The following MARK1 variants were observed in gnomAD, a reference collection of about 807,000 sequenced individuals.
MARK1 encodes microtubule affinity regulating kinase 1, also known as serine/threonine-protein kinase MARK1.
A neutral mutation model predicts 96.3 loss-of-function variants in MARK1; 40 were observed. That is an observed-to-expected ratio of 0.42 (90% CI 0.32 to 0.54). The LOEUF is 0.54. Ranked by LOEUF, MARK1 falls within the 20% of genes least tolerant of loss-of-function variation. MARK1 has a pLI of 0.16. For missense variants in MARK1, 719 were observed against 984.6 expected (o/e 0.73, Z 3.61); for synonymous variants, 317 against 341.2 (o/e 0.93, Z 0.78).
At chr1:220,641,006 T>A (rs1668236907) in intron 13 of MARK1, among the ~76,000 whole-genome samples, 2 of 152,214 alleles carry the variant, frequency 1.3e-5, no homozygotes, top group South Asian at 4.1e-4. Flanking sequence ...CTTCTAGAAA[T>A]TCCCATCCAA....
chr1:220,598,658 T>A (rs991206846), intron 4 of MARK1, among the ~76,000 whole-genome samples: 4 of 151,438 alleles, frequency 2.6e-5, no homozygotes, highest in African/African-American at 9.7e-5. Context: ...ATGCATACAA[T>A]TTTTTTTAAT....
chr1:220,585,943 T>C (rs1266862453), intron 3 of MARK1, among the ~76,000 whole-genome samples: 3 of 152,094 alleles, frequency 2.0e-5, no homozygotes, highest in African/African-American at 7.2e-5. Context: ...GTCACTGTTA[T>C]CTTCTTGTAG....
At chr1:220,565,824 G>T (rs1326633010) in intron 1 of MARK1, among the ~76,000 whole-genome samples, 1 of 152,110 alleles carries the variant, frequency 6.6e-6, no homozygotes, top group Non-Finnish European at 1.5e-5. Flanking sequence ...TGGCACAAGG[G>T]GCAGAGCCTG....
rs1169383801 is a variant in MARK1, at chr1:220,618,052, G to A, written c.553-258G>A. 6.6e-6 allele frequency among the ~76,000 whole-genome samples: 1 copy of A among 152,138 alleles called. No individual in the cohort carries two copies. Among genetic ancestry groups the A allele is most frequent in the Admixed American group, 6.5e-5 (1 of 15,268 alleles). On this transcript the variant is annotated intron_variant, in intron 7 of 17. Coordinates refer to ENST00000366917, the MANE Select transcript of MARK1 (RefSeq NM_018650.5). This position sits in a 1 kb window ranked among gnomAD's most constrained non-coding sequence, Gnocchi z 4.6. ...TAAAATAACCTATGAAAGAAAATAG[G>A]TTTTAAATAACCTTTCTTAAGTAGT...
chr1:220,635,463 C>CCTG lies in MARK1; in HGVS notation c.1213_1215dup (p.Ala405dup). ...CTTAAACAACAGCACTCTTCAGTCC[C>CCTG]CTGCTCACCTGAAGGTCCAGAGAAG... On this transcript the variant is annotated inframe_insertion, in exon 12 of 18. Coordinates refer to ENST00000366917, the MANE Select transcript of MARK1 (RefSeq NM_018650.5). 6.2e-7 allele frequency: 1 copy of CCTG among 1,613,710 alleles called. No homozygotes were observed. The highest frequency in any genetic ancestry group is 8.5e-7 in the Non-Finnish European group (1 of 1,179,910).
intron 17 of MARK1, among the ~76,000 whole-genome samples, chr1:220,658,648 GCTCTGGCTT>G (rs1246016466): frequency 6.6e-6 from 1 of 152,150 alleles, no homozygotes; most frequent in African/African-American, 2.4e-5. Context: ...AGTATGAAAG[GCTCTGGCTT>G]CATTCAGGAA....
At chr1:220,609,765 C>G (rs1315621213) in intron 6 of MARK1, among the ~76,000 whole-genome samples, 1 of 152,178 alleles carries the variant, frequency 6.6e-6, no homozygotes, top group East Asian at 1.9e-4. Flanking sequence ...GACAAAATCT[C>G]TCAGCATTTG....
chr1:220,563,352 G>C (rs1405041040), intron 1 of MARK1, among the ~76,000 whole-genome samples: 1 of 152,136 alleles, frequency 6.6e-6, no homozygotes, highest in African/African-American at 2.4e-5. Flanking sequence ...TTTATTGAAT[G>C]CTTAGTATAC....
chr1:220,588,593 G>A (rs375855202), intron 3 of MARK1, among the ~76,000 whole-genome samples: 3 of 152,146 alleles, frequency 2.0e-5, no homozygotes, highest in Non-Finnish European at 2.9e-5. Context: ...AATTGTTATA[G>A]TGCTGCTAGC....
intron 9 of MARK1, among the ~76,000 whole-genome samples, chr1:220,623,531 C>T (rs1572191268): frequency 6.6e-6 from 1 of 152,118 alleles, no homozygotes; most frequent in Admixed American, 6.5e-5. Context: ...TGTTGTGAGA[C>T]AAACTCCTTA....
At chr1:220,608,793 C>G (rs1372708238) in intron 6 of MARK1, among the ~76,000 whole-genome samples, 2 of 152,172 alleles carry the variant, frequency 1.3e-5, no homozygotes, top group African/African-American at 4.8e-5. Flanking sequence ...ATCTTTATTT[C>G]TGCCTTCATT....
intron 1 of MARK1, among the ~76,000 whole-genome samples, chr1:220,532,535 A>G (rs1199540363): frequency 1.3e-5 from 2 of 152,162 alleles, no homozygotes; most frequent in African/African-American, 4.8e-5. Context: ...GAGGGTAGAC[A>G]TTACGTATTA....
intron 1 of MARK1, among the ~76,000 whole-genome samples, chr1:220,567,922 A>G (rs1282075375): frequency 1.3e-5 from 2 of 152,078 alleles, no homozygotes; most frequent in African/African-American, 2.4e-5. Flanking sequence ...TTTGCCTAGT[A>G]TATTTTACTT....
chr1:220,629,278 A>G (rs1395070801), intron 9 of MARK1, among the ~76,000 whole-genome samples: 3 of 152,214 alleles, frequency 2.0e-5, no homozygotes, highest in Non-Finnish European at 2.9e-5. Context: ...AAATTAATAC[A>G]GAATTATTCA....
intron 3 of MARK1, among the ~76,000 whole-genome samples, chr1:220,587,076 A>G: frequency 6.6e-6 from 1 of 152,150 alleles, no homozygotes; most frequent in East Asian, 1.9e-4. Flanking sequence ...CCTAGAAATA[A>G]CCACTATTCT....
chr1:220,580,710 C>T (rs1281535612), intron 2 of MARK1, among the ~76,000 whole-genome samples: 1 of 152,128 alleles, frequency 6.6e-6, no homozygotes, highest in Admixed American at 6.6e-5. Context: ...GTTTTATTCA[C>T]ATAATATTTA....
At chr1:220,635,782 A>G (rs1667926583) in intron 12 of MARK1, 51 bp from the exon 13 acceptor site, 1 of 1,402,400 alleles carries the variant, frequency 7.1e-7, no homozygotes, top group South Asian at 1.4e-5. Flanking sequence ...GTGAGCAGAA[A>G]GTAGATCAGT....
At chr1:220,611,815 C>T (rs1437813798) in intron 6 of MARK1, among the ~76,000 whole-genome samples, 1 of 152,124 alleles carries the variant, frequency 6.6e-6, no homozygotes, top group Non-Finnish European at 1.5e-5. Flanking sequence ...TCGCTGCAAC[C>T]TCCGCCTCCT....
chr1:220,564,938 C>G (rs1183941483), intron 1 of MARK1, among the ~76,000 whole-genome samples: 1 of 151,906 alleles, frequency 6.6e-6, no homozygotes, highest in African/African-American at 2.4e-5. Flanking sequence ...TATCATTATT[C>G]TCATTTTCTT....
Sources: gnomAD v4.1 joint callset for allele counts (sites outside exome capture counted in the v4.1 genomes callset) on GRCh38, gnomAD v4.1.1 for gene constraint, Gnocchi (gnomAD v3.1) non-coding constraint, MANE v1.5 for transcripts, NCBI Gene and HGNC (gene_info 2026-07-23, HGNC 2026-07-21) for gene names.